Variants in PRPSAP2 observed in about 807,000 individuals in gnomAD.
The protein encoded by PRPSAP2 is phosphoribosyl pyrophosphate synthetase associated protein 2.
In PRPSAP2, 24 loss-of-function variants were observed where a neutral mutation model predicts 40.6. That is an observed-to-expected ratio of 0.59 (90% CI 0.43 to 0.83). The LOEUF (loss-of-function observed/expected upper bound fraction) is 0.83, where lower values mean the gene tolerates loss of function less well. PRPSAP2 is among the 40% of genes least tolerant of loss of function. The pLI is 0.00. For synonymous variants in PRPSAP2, 149 were observed against 164.7 expected (o/e 0.90, Z 0.73); for missense variants, 292 against 465.6 (o/e 0.63, Z 3.43).
chr17:18,877,802 A>C lies in PRPSAP2; in HGVS notation c.344A>C (p.Lys115Thr). Residue 115 changes from lysine to threonine, a missense_variant, in exon 6 of 12, where the codon AAG (lysine) becomes ACG (threonine). Physicochemically the swap from Lys to Thr is moderately conservative, Grantham distance 78. Coordinates refer to ENST00000268835, the MANE Select transcript of PRPSAP2 (RefSeq NM_002767.4). ...IGVIPYFPYSKQCKMRKRGSI... is the reference protein window; with the variant it reads ...IGVIPYFPYSTQCKMRKRGSI... Reference sequence around the variant, plus strand: ...GTGATACCCTACTTTCCTTACAGCAAGCAGTGCAAGATGAGAAAAAGAGGC... The same window carrying C: ...GTGATACCCTACTTTCCTTACAGCACGCAGTGCAAGATGAGAAAAAGAGGC... 1 of 1,613,964 alleles carries C rather than the reference A, an allele frequency of 6.2e-7. No individual in the cohort carries two copies. Among genetic ancestry groups the C allele is most frequent in the Non-Finnish European group, 8.5e-7 (1 of 1,179,840 alleles).
At chr17:18,863,336 C>T (rs750330065) in intron 1 of PRPSAP2, among the ~76,000 whole-genome samples, 4 of 151,996 alleles carry the variant, frequency 2.6e-5, no homozygotes, top group Non-Finnish European at 5.9e-5. Context: ...AGCAGTCAGC[C>T]CACCTTGGCC....
At chr17:18,917,644 T>C (rs1180462574) in intron 9 of PRPSAP2, 2 of 131,990 alleles carry the variant, frequency 1.5e-5, no homozygotes, top group East Asian at 5.0e-4. Context: ...TTCGCCATGT[T>C]GGCCAGGCTG....
chr17:18,908,351 G>C lies in PRPSAP2; in HGVS notation c.585-2752G>C, dbSNP rs117156167. 1,885 of 775,008 alleles carry C rather than the reference G, an allele frequency of 2.4e-3. 2 individuals carry two copies. The highest frequency in any genetic ancestry group is 3.2e-3 in the Non-Finnish European group (1,318 of 415,718). The allele number at this position is 775,008 out of a possible 1,614,324, so 48.0% of individuals were successfully genotyped here. A position where few individuals can be genotyped will look rare whatever the true frequency, so the allele number is the denominator to read the frequency against. On this transcript the variant is annotated intron_variant, in intron 8 of 11. Transcript: ENST00000268835. Reference sequence around the variant, plus strand: ...TGAGTCCAACCATGACCCTCAGTTTGAGCCAATAGTTTCTCTTCCTGAGCA... The same window carrying C: ...TGAGTCCAACCATGACCCTCAGTTTCAGCCAATAGTTTCTCTTCCTGAGCA...
At chr17:18,892,004 A>G (rs9906799) in intron 8 of PRPSAP2, among the ~76,000 whole-genome samples, 80,330 of 151,996 alleles carry the variant, frequency 0.53, 21,482 homozygotes, top group Middle Eastern at 0.6. Flanking sequence ...TTACAGGTGC[A>G]TGCTACCACA....
chr17:18,906,120 T>G (rs560852510), intron 8 of PRPSAP2, among the ~76,000 whole-genome samples: 2 of 152,360 alleles, frequency 1.3e-5, no homozygotes, highest in African/African-American at 2.4e-5. Flanking sequence ...CTGTGAAGGT[T>G]TATCATCTTT....
chr17:18,905,582 A>AT (rs879454109), intron 8 of PRPSAP2, among the ~76,000 whole-genome samples: 173 of 145,940 alleles, frequency 1.2e-3, no homozygotes, highest in Middle Eastern at 3.6e-3. Context: ...TCTCTTGAGA[A>AT]TTTTTTTTTT....
intron 10 of PRPSAP2, among the ~76,000 whole-genome samples, chr17:18,924,568 A>C (rs1229666726): frequency 6.6e-6 from 1 of 151,702 alleles, no homozygotes; most frequent in Non-Finnish European, 1.5e-5. Context: ...CAGGAGTTCA[A>C]GACCAGCTTG....
intron 6 of PRPSAP2, among the ~76,000 whole-genome samples, chr17:18,881,264 C>G (rs2038711032): frequency 6.7e-6 from 1 of 150,128 alleles, no homozygotes; most frequent in Non-Finnish European, 1.5e-5. Context: ...GAGACCAAGT[C>G]TCCCCCTTTC....
chr17:18,908,827 G>A (rs1428620487), intron 8 of PRPSAP2: 4 of 712,722 alleles, frequency 5.6e-6, no homozygotes, highest in African/African-American at 3.5e-5. Flanking sequence ...TCTTTTGGTG[G>A]AGGAGGAAAC....
intron 5 of PRPSAP2, 78 bp from the exon 6 acceptor site, chr17:18,877,620 C>T: frequency 7.2e-7 from 1 of 1,383,440 alleles, no homozygotes; most frequent in African/African-American, 1.4e-5. Context: ...GCATGAGTAA[C>T]ACACTGCTGA....
In PRPSAP2 at chr17:18,865,907, C is replaced by T; in HGVS notation, c.74C>T (p.Ala25Val). 6.5e-7 allele frequency: 1 copy of T among 1,540,144 alleles called. No homozygotes were observed. The highest frequency in any genetic ancestry group is 2.3e-5 in the East Asian group (1 of 43,210). The part of the protein sequence containing the change: ...ITKGGLVLFS[A>V]NSNSSCMELS... ...AAAGGTGGTCTGGTGTTGTTTTCAG[C>T]AAACTCGAATTCATCATGTATGGAG... The change falls in exon 3 of 12, where the codon GCA becomes GTA. Residue 25 changes from alanine (A) to valine (V), a missense_variant. Ala to Val is a moderately conservative substitution (Grantham distance 64). Transcript: ENST00000268835.
At chr17:18,923,774 A>T in intron 9 of PRPSAP2, 140 bp from the exon 10 acceptor site, 1 of 721,890 alleles carries the variant, frequency 1.4e-6, no homozygotes, top group Non-Finnish European at 2.2e-6. Flanking sequence ...GGGTTTTTGT[A>T]GTTGCCCTTA....
chr17:18,860,112 T>A (rs952546967), intron 1 of PRPSAP2, among the ~76,000 whole-genome samples: 52 of 133,746 alleles, frequency 3.9e-4, no homozygotes, highest in Middle Eastern at 0.012. Context: ...CAGGTTGGAG[T>A]GTAGTGGCGC....
intron 10 of PRPSAP2, 165 bp downstream of exon 10, chr17:18,924,149 C>T (rs1483013279): frequency 2.5e-5 from 14 of 556,880 alleles, no homozygotes; most frequent in Non-Finnish European, 3.3e-5. Context: ...AAACGATTCT[C>T]CTGCCTCAGC....
At chr17:18,863,526 C>T (rs1258429353) in intron 1 of PRPSAP2, among the ~76,000 whole-genome samples, 1 of 150,926 alleles carries the variant, frequency 6.6e-6, no homozygotes, top group Admixed American at 6.6e-5. Flanking sequence ...CTTTCTTCTT[C>T]TCTTTTCTTT....
At chr17:18,919,424 C>T (rs536520564) in intron 9 of PRPSAP2, among the ~76,000 whole-genome samples, 1 of 152,008 alleles carries the variant, frequency 6.6e-6, no homozygotes, top group Non-Finnish European at 1.5e-5. Context: ...AGGAGAATCA[C>T]TTGAACCCAG....
chr17:18,883,422 G>A (rs538388773), intron 7 of PRPSAP2, among the ~76,000 whole-genome samples: 16 of 129,264 alleles, frequency 1.2e-4, no homozygotes, highest in African/African-American at 4.1e-4. Context: ...TTTTTTTGGT[G>A]GGGGGTGTGA....
chr17:18,919,099 C>T (rs1409806249), intron 9 of PRPSAP2, among the ~76,000 whole-genome samples: 1 of 152,132 alleles, frequency 6.6e-6, no homozygotes, highest in Non-Finnish European at 1.5e-5. Flanking sequence ...GGTACTTTGG[C>T]GCACTCCTTT....
rs1343472503 is a variant in PRPSAP2, at chr17:18,888,103, C to G, written c.529-1719C>G. Reference sequence around the variant, plus strand: ...TTTAACAAAGCACATCTTGCACCGCCCTTAATCCATTTAACCCTGAGTGGA... The same window carrying G: ...TTTAACAAAGCACATCTTGCACCGCGCTTAATCCATTTAACCCTGAGTGGA... On this transcript the variant is annotated intron_variant, in intron 7 of 11. Coordinates refer to ENST00000268835, the MANE Select transcript of PRPSAP2 (RefSeq NM_002767.4). Among the ~76,000 whole-genome samples, 9 of 40,566 alleles carry G rather than the reference C, an allele frequency of 2.2e-4. 1 individual carries two copies. Among genetic ancestry groups the G allele is most frequent in the Non-Finnish European group, 1.0e-4 (2 of 19,292 alleles). The allele number at this position is 40,566 out of a possible 152,430, so 26.6% of individuals were successfully genotyped here.
Sources: allele counts gnomAD v4.1 joint callset (sites outside exome capture counted in the v4.1 genomes callset), GRCh38; gene constraint gnomAD v4.1.1; transcripts MANE v1.5; gene names NCBI Gene and HGNC (gene_info 2026-07-23, HGNC 2026-07-21).